The following GALNTL6 variants were observed in gnomAD, a reference collection of about 807,000 sequenced individuals.
GALNTL6 encodes the protein polypeptide N-acetylgalactosaminyltransferase-like 6.
In GALNTL6, 46 loss-of-function variants were observed where a neutral mutation model predicts 73.7. The observed-to-expected ratio is 0.62, with a 90% confidence interval of 0.49 to 0.80. The LOEUF (loss-of-function observed/expected upper bound fraction) is 0.80. GALNTL6 is among the 30% of genes least tolerant of loss of function. GALNTL6 has a pLI of 0.00. For synonymous variants in GALNTL6, 259 were observed against 263.7 expected (o/e 0.98, Z 0.17); for missense variants, 604 against 755.0 (o/e 0.80, Z 2.34).
chr4:172,802,192 C>G (rs1283282933), intron 5 of GALNTL6, among the ~76,000 whole-genome samples: 1 of 152,086 alleles, frequency 6.6e-6, no homozygotes, highest in Non-Finnish European at 1.5e-5. Flanking sequence ...CCAAGTATTA[C>G]CAGCAGCTGA....
chr4:172,175,826 G>A (rs1734972027), intron 2 of GALNTL6, among the ~76,000 whole-genome samples: 2 of 151,564 alleles, frequency 1.3e-5, no homozygotes, highest in Non-Finnish European at 2.9e-5. Flanking sequence ...TACTTTATGT[G>A]CTCCTTTGCT....
chr4:172,451,840 T>C (rs2129039), intron 5 of GALNTL6, among the ~76,000 whole-genome samples: 63,816 of 151,696 alleles, frequency 0.42, 16,203 homozygotes, highest in South Asian at 0.67. Context: ...ACCCAGTCTC[T>C]ATAAAAATGA....
chr4:173,039,278 G>A (rs1213167927), intron 12 of GALNTL6, among the ~76,000 whole-genome samples: 3 of 152,186 alleles, frequency 2.0e-5, no homozygotes, highest in African/African-American at 7.2e-5. Context: ...GGATTGAGAG[G>A]AGACTGAAGC....
chr4:172,879,493 TA>T (rs1399267985), intron 7 of GALNTL6, among the ~76,000 whole-genome samples: 2 of 151,802 alleles, frequency 1.3e-5, no homozygotes, highest in Non-Finnish European at 3.0e-5. Context: ...ATTCCCCAAA[TA>T]TTTGGAAACT....
At chr4:172,501,096 A>G (rs1371967715) in intron 5 of GALNTL6, among the ~76,000 whole-genome samples, 1 of 152,246 alleles carries the variant, frequency 6.6e-6, no homozygotes, top group Non-Finnish European at 1.5e-5. Context: ...ACACACTTCC[A>G]CAAATGAGTA....
At chr4:172,666,649 TA>T (rs1294777753) in intron 5 of GALNTL6, 1 of 152,180 alleles carries the variant, frequency 6.6e-6, no homozygotes, top group Non-Finnish European at 1.5e-5. Flanking sequence ...CATTTTTCTT[TA>T]AAAAACTTTT....
At chr4:171,886,815 G>A (rs761308236) in intron 2 of GALNTL6, among the ~76,000 whole-genome samples, 9 of 152,140 alleles carry the variant, frequency 5.9e-5, no homozygotes, top group Non-Finnish European at 8.8e-5. Context: ...GGTAAATAGA[G>A]TATGAAGAGG....
chr4:172,826,772 C>A (rs1671111809), intron 7 of GALNTL6, among the ~76,000 whole-genome samples: 1 of 152,220 alleles, frequency 6.6e-6, no homozygotes, highest in African/African-American at 2.4e-5. Flanking sequence ...CCCTGATGAT[C>A]TCACCAATTA....
At chr4:172,497,966 A>G (rs911292195) in intron 5 of GALNTL6, among the ~76,000 whole-genome samples, 2 of 151,364 alleles carry the variant, frequency 1.3e-5, no homozygotes, top group Non-Finnish European at 2.9e-5. Context: ...ATCAAGAGTA[A>G]CAGACTTTGG....
intron 2 of GALNTL6, among the ~76,000 whole-genome samples, chr4:172,101,106 T>C (rs1358080367): frequency 1.3e-5 from 2 of 152,132 alleles, no homozygotes; most frequent in African/African-American, 2.4e-5. Flanking sequence ...GCAGTCTCTA[T>C]TGGGCTTATG....
At chr4:172,545,125 A>T (rs1226256040) in intron 5 of GALNTL6, among the ~76,000 whole-genome samples, 9 of 152,194 alleles carry the variant, frequency 5.9e-5, no homozygotes, top group Admixed American at 5.9e-4. Context: ...TATTGGTAAC[A>T]TGATTTATAA....
At chr4:172,443,140 A>T (rs1330268921) in intron 5 of GALNTL6, among the ~76,000 whole-genome samples, 3 of 116,234 alleles carry the variant, frequency 2.6e-5, no homozygotes, top group African/African-American at 8.2e-5. Context: ...ATATATATAT[A>T]TATATATATA....
At chr4:172,312,649 T>C (rs934625415) in intron 4 of GALNTL6, among the ~76,000 whole-genome samples, 1 of 152,068 alleles carries the variant, frequency 6.6e-6, no homozygotes, top group Non-Finnish European at 1.5e-5. Flanking sequence ...AAAATAAGAA[T>C]CAGAAATCTA....
At chr4:172,714,518 T>C (rs906370012) in intron 5 of GALNTL6, among the ~76,000 whole-genome samples, 4 of 152,174 alleles carry the variant, frequency 2.6e-5, no homozygotes, top group Admixed American at 2.0e-4. Context: ...TGGTTGAACA[T>C]GTATTGCACT....
chr4:172,035,297 A>G (rs1257349782), intron 2 of GALNTL6, among the ~76,000 whole-genome samples: 1 of 152,122 alleles, frequency 6.6e-6, no homozygotes, highest in Non-Finnish European at 1.5e-5. Flanking sequence ...AGGCAGGACA[A>G]AGTTTCCTGA....
At chr4:172,380,238 C>T in intron 5 of GALNTL6, 1 of 912,302 alleles carries the variant, frequency 1.1e-6, no homozygotes, top group South Asian at 1.3e-5. Flanking sequence ...CGTATTCTCC[C>T]CAACTTGTCT....
chr4:172,392,016 T>C (rs1743679908), intron 5 of GALNTL6, among the ~76,000 whole-genome samples: 1 of 151,814 alleles, frequency 6.6e-6, no homozygotes, highest in Non-Finnish European at 1.5e-5. Flanking sequence ...TGAGATGGAG[T>C]CTTGCTCTGT....
chr4:172,806,303 C>G (rs1740954624), intron 5 of GALNTL6, among the ~76,000 whole-genome samples: 1 of 152,130 alleles, frequency 6.6e-6, no homozygotes, highest in African/African-American at 2.4e-5. Flanking sequence ...GGTCAAACCC[C>G]TTATGCTTAG....
rs1260802650 is a variant in GALNTL6 at position 172,808,283 on chromosome 4, C to CAATACGGAGTAATTCT, written c.554-1077_554-1062dup. ...TGAACCTCTGTGCACGGAGAAACTCCAATACGGAGTAATTCTGACATCTGT... is the reference window on the plus strand; with the variant it reads ...TGAACCTCTGTGCACGGAGAAACTCCAATACGGAGTAATTCTAATACGGAGTAATTCTGACATCTGT... On this transcript the variant is annotated intron_variant, in intron 5 of 12. Transcript: ENST00000506823. Among the ~76,000 whole-genome samples the CAATACGGAGTAATTCT allele has an allele frequency of 3.9e-5, 6 of 152,296 alleles. No individual in the cohort carries two copies. The East Asian group carries it at 5.8e-4, about 15-fold the overall frequency.
Sources: gnomAD v4.1 joint callset for allele counts (sites outside exome capture counted in the v4.1 genomes callset) on GRCh38, gnomAD v4.1.1 for gene constraint, MANE v1.5 for transcripts, NCBI Gene and HGNC (gene_info 2026-07-23, HGNC 2026-07-21) for gene names.